ZNF473: variants seen among roughly 807,000 people sequenced by gnomAD.
ZNF473 encodes the protein zinc finger protein 100 homolog.
ZNF473 carries 4 observed loss-of-function variants against 11.1 expected under a neutral mutation model. The observed-to-expected ratio is 0.36, with a 90% CI of 0.18 to 0.82. The LOEUF (loss-of-function observed/expected upper bound fraction) is 0.82. Ranked by LOEUF, ZNF473 falls within the 40% of genes least tolerant of loss-of-function variation. The pLI is 0.49. For synonymous variants in ZNF473, 404 were observed against 390.4 expected, an observed-to-expected ratio of 1.03 and a Z score of -0.41; for missense variants, 854 against 1,084.0, an observed-to-expected ratio of 0.79 and a Z score of 2.98.
At chr19:50,037,107 C>T (rs1175650741) in intron 2 of ZNF473, among the ~76,000 whole-genome samples, 1 of 152,108 alleles carries the variant, frequency 6.6e-6, no homozygotes, top group Non-Finnish European at 1.5e-5. Flanking sequence ...CAGTCAGATG[C>T]CTGGAGGGTT....
intron 1 of ZNF473, among the ~76,000 whole-genome samples, chr19:50,026,792 GAAAGAAAAGA>G (rs527701206): frequency 2.6e-5 from 4 of 152,092 alleles, no homozygotes; most frequent in African/African-American, 2.4e-5. Flanking sequence ...AGTGAGCTGA[GAAAGAAAAGA>G]AAAGAAAAGA....
In ZNF473 at chr19:50,046,766, A is replaced by G. The variant is rs201233179; in HGVS notation, c.2323A>G (p.Ile775Val). The G allele has an allele frequency of 5.0e-5, 80 of 1,614,128 alleles. No homozygotes were observed. Among genetic ancestry groups the G allele is most frequent in the East Asian group, 2.0e-4 (9 of 44,864 alleles). Reference protein sequence around the residue: ...KAFTQSSCLSIHRRVHTGEKP... With the variant: ...KAFTQSSCLSVHRRVHTGEKP... ...CTTCACCCAGAGCTCATGCCTTTCT[A>G]TTCACCGGAGAGTTCACACTGGGGA... is the stretch of plus-strand genomic sequence containing the variant. The change falls in exon 5 of 5, where the codon ATT becomes GTT. Residue 775 changes from isoleucine (I) to valine (V), a missense_variant. By Grantham distance (29) the Ile-to-Val change is conservative. Around this residue, in one of 2 missense-constraint regions of ZNF473, gnomAD observed 186 missense variants for 293.8 expected, o/e 0.63. Coordinates refer to ENST00000270617, the MANE Select transcript of ZNF473 (RefSeq NM_015428.4). This position sits in a 1 kb window ranked among gnomAD's most constrained non-coding sequence, Gnocchi z 5.9.
In ZNF473 at chr19:50,045,729, A is replaced by G; in HGVS notation, c.1286A>G (p.Lys429Arg). The change falls in exon 5 of 5, where the codon AAG (lysine) becomes AGG (arginine). Residue 429 changes from lysine to arginine, a missense_variant. Transcript: ENST00000270617. ...KIHQRVHSGEKPYKCSECGKA... is the reference protein window; with the variant it reads ...KIHQRVHSGERPYKCSECGKA... ...CATCAGAGGGTTCACAGTGGAGAGA[A>G]GCCTTACAAATGCAGTGAGTGTGGG... 1 of 1,614,136 alleles carries G rather than the reference A, an allele frequency of 6.2e-7. No individual in the cohort carries two copies. The highest frequency in any genetic ancestry group is 8.5e-7 in the Non-Finnish European group (1 of 1,180,024).
chr19:50,031,306 G>A (rs939459972), intron 2 of ZNF473, among the ~76,000 whole-genome samples: 1 of 152,124 alleles, frequency 6.6e-6, no homozygotes, highest in African/African-American at 2.4e-5. Flanking sequence ...TTTCCTGTTT[G>A]TACTCTTCTG....
chr19:50,037,992 T>C (rs1419873649), intron 2 of ZNF473, among the ~76,000 whole-genome samples: 1 of 140,474 alleles, frequency 7.1e-6, no homozygotes, highest in East Asian at 2.0e-4. Flanking sequence ...TACCGCTGAC[T>C]AGCCAAATAG....
chr19:50,044,290 G>C (rs934255374), intron 4 of ZNF473, among the ~76,000 whole-genome samples: 2 of 152,204 alleles, frequency 1.3e-5, no homozygotes, highest in African/African-American at 4.8e-5. Flanking sequence ...AGAACTGGAT[G>C]GATGGTGGTG....
chr19:50,031,627 C>T (rs1373659481), intron 2 of ZNF473, among the ~76,000 whole-genome samples: 1 of 152,064 alleles, frequency 6.6e-6, no homozygotes, highest in East Asian at 1.9e-4. Flanking sequence ...CCCCTGCTGC[C>T]TCCACTGTAG....
intron 3 of ZNF473, chr19:50,040,973 T>C (rs1414341782): frequency 6.6e-6 from 1 of 152,266 alleles, no homozygotes; most frequent in East Asian, 1.9e-4. Flanking sequence ...GTATGAGTAG[T>C]GTATCCGTTT....
chr19:50,042,134 C>T (rs1184474824), intron 4 of ZNF473: 1 of 191,612 alleles, frequency 5.2e-6, no homozygotes, highest in Non-Finnish European at 1.1e-5. Context: ...GGTCTCTCTA[C>T]TTTCCTGCCT....
chr19:50,028,046 C>G (rs1431029024), intron 1 of ZNF473, among the ~76,000 whole-genome samples: 1 of 151,678 alleles, frequency 6.6e-6, no homozygotes, highest in Non-Finnish European at 1.5e-5. Context: ...TGCCTGTAAT[C>G]CCAGCACTTT....
At chr19:50,038,779 A>AC (rs1432873121) in intron 2 of ZNF473, among the ~76,000 whole-genome samples, 10 of 152,038 alleles carry the variant, frequency 6.6e-5, no homozygotes, top group Non-Finnish European at 1.5e-4. Context: ...AAATCAGATG[A>AC]CCCCTGGGTG....
At position 50,044,686 on chromosome 19, in the gene ZNF473, G is replaced by T. The variant is rs759217643; in HGVS notation, c.243G>T (p.Lys81Asn). 1.9e-6 allele frequency: 3 copies of T among 1,610,732 alleles called. No individual in the cohort carries two copies. The highest frequency in any genetic ancestry group is 4.5e-5 in the East Asian group (2 of 44,864). The change falls in exon 5 of 5, where the codon AAG (lysine) becomes AAT (asparagine). Residue 81 changes from lysine to asparagine, a missense_variant. Coordinates refer to ENST00000270617, the MANE Select transcript of ZNF473 (RefSeq NM_015428.4). ...EATSPDVTET[K>N]NSPLMEDFFE... ...CTCTTTCAGATGTGACTGAGACCAA[G>T]AACTCTCCTCTGATGGAGGATTTCT...
Position 50,039,012 on chromosome 19 carries a change from C to G in ZNF473, c.10-149C>G, listed in dbSNP as rs553863858. On this transcript the variant is annotated intron_variant, in intron 2 of 4. Transcript: ENST00000270617. The surrounding 1 kb of genome is among the most constrained non-coding windows in gnomAD (Gnocchi z 4.8). ...CCTACAAAATACAGGGGTTTCCAGT[C>G]TCTTACATCTCAAGATTCTTGTGAG... is the stretch of plus-strand genomic sequence containing the variant. 2,101 of 998,210 alleles carry G rather than the reference C, an allele frequency of 2.1e-3. 12 individuals carry two copies. The highest frequency in any genetic ancestry group is 2.1e-3 in the Non-Finnish European group (1,446 of 673,712). 61.8% of individuals were successfully genotyped at this position (998,210 alleles called of 1,614,324 possible). A position where few individuals can be genotyped will look rare whatever the true frequency, so the allele number is the denominator to read the frequency against.
At chr19:50,032,690 A>G (rs967415838) in intron 2 of ZNF473, among the ~76,000 whole-genome samples, 5 of 152,074 alleles carry the variant, frequency 3.3e-5, no homozygotes, top group Non-Finnish European at 7.4e-5. Context: ...GCTGAAAACA[A>G]CAGAAATTGG....
At chr19:50,033,272 G>T (rs1380961792) in intron 2 of ZNF473, among the ~76,000 whole-genome samples, 1 of 152,140 alleles carries the variant, frequency 6.6e-6, no homozygotes, top group Non-Finnish European at 1.5e-5. Flanking sequence ...ACACAATCTT[G>T]GCTCTAAGAT....
At chr19:50,034,262 C>G (rs1029583449) in intron 2 of ZNF473, among the ~76,000 whole-genome samples, 1 of 152,156 alleles carries the variant, frequency 6.6e-6, no homozygotes, top group African/African-American at 2.4e-5. Flanking sequence ...CACTTCTCAC[C>G]CCCTCCATTG....
rs1325915601 is a variant in ZNF473 at position 50,046,247 on chromosome 19, C to G, written c.1804C>G (p.Gln602Glu). Residue 602 changes from glutamine to glutamate, a missense_variant, in exon 5 of 5, where the codon CAA becomes GAA. Gln to Glu is a conservative substitution (Grantham distance 29, BLOSUM62 2). Transcript: ENST00000270617. This position sits in a 1 kb window ranked among gnomAD's most constrained non-coding sequence, Gnocchi z 5.9. ...ECDQCGKAFGQSTRLIHHQRI... is the reference protein window; with the variant it reads ...ECDQCGKAFGESTRLIHHQRI... ...TGACCAGTGTGGGAAAGCCTTTGGC[C>G]AAAGTACTCGGCTCATTCACCATCA... is the stretch of plus-strand genomic sequence containing the variant. 1 of 1,614,158 alleles carries G rather than the reference C, an allele frequency of 6.2e-7. No homozygotes were observed. Among genetic ancestry groups the G allele is most frequent in the South Asian group, 1.1e-5 (1 of 91,080 alleles).
intron 3 of ZNF473, 125 bp from the exon 4 acceptor site, chr19:50,041,578 CCCAGAGTCGCCCAGTGCAGCACCTCGT>C: frequency 1.8e-6 from 1 of 546,150 alleles, no homozygotes. Flanking sequence ...GACAGGCATC[CCCAGAGTCGCCCAGTGCAGCACCTCGT>C]CCACACACAG....
chr19:50,036,693 G>A (rs1238866193), intron 2 of ZNF473, among the ~76,000 whole-genome samples: 1 of 151,968 alleles, frequency 6.6e-6, no homozygotes, highest in African/African-American at 2.4e-5. Flanking sequence ...ATTTATTCAT[G>A]GAATAATGGG....
Sources: gnomAD v4.1 joint callset for allele counts (sites outside exome capture counted in the v4.1 genomes callset) on GRCh38, gnomAD v4.1.1 for gene constraint, gnomAD v4.1.1 regional missense constraint, Gnocchi (gnomAD v3.1) non-coding constraint, MANE v1.5 for transcripts, NCBI Gene and HGNC (gene_info 2026-07-23, HGNC 2026-07-21) for gene names.